Variants in FRY observed in about 807,000 individuals in gnomAD.
FRY encodes the protein protein furry homolog.
A neutral mutation model predicts 348.4 loss-of-function variants in FRY; 128 were observed. That is an observed-to-expected ratio of 0.37 (90% CI 0.32 to 0.43). The LOEUF (loss-of-function observed/expected upper bound fraction) is 0.43, where lower values mean the gene tolerates loss of function less well. Ranked by LOEUF, FRY falls within the 20% of genes least tolerant of loss-of-function variation. The pLI is 1.00. For missense variants in FRY, 2,736 were observed against 3,695.2 expected (o/e 0.74, Z 6.73); for synonymous variants, 1,370 against 1,374.7 (o/e 1.00, Z 0.08).
At chr13:32,101,662 A>T (rs766962962) in intron 2 of FRY, among the ~76,000 whole-genome samples, 2 of 152,180 alleles carry the variant, frequency 1.3e-5, no homozygotes, top group Non-Finnish European at 2.9e-5. Flanking sequence ...AAAAGTCCTT[A>T]TGACAGGTAT....
At chr13:32,272,549 G>A (rs191993200) in intron 55 of FRY, among the ~76,000 whole-genome samples, 6 of 152,124 alleles carry the variant, frequency 3.9e-5, no homozygotes, top group Admixed American at 1.3e-4. Flanking sequence ...TACCAGCTAC[G>A]TGAGAGGCTG....
intron 15 of FRY, among the ~76,000 whole-genome samples, chr13:32,156,083 C>A (rs987171453): frequency 6.6e-6 from 1 of 152,156 alleles, no homozygotes; most frequent in African/African-American, 2.4e-5. Context: ...CAACACACAT[C>A]AGGTTATATT....
chr13:32,124,484 G>A (rs534596876), intron 5 of FRY, 108 bp downstream of exon 5: 1 of 863,620 alleles, frequency 1.2e-6, no homozygotes, highest in Non-Finnish European at 1.9e-6. Context: ...CCAAATACTG[G>A]GTTATATGAC....
chr13:32,076,646 G>A (rs972615216), intron 1 of FRY, among the ~76,000 whole-genome samples: 1 of 152,132 alleles, frequency 6.6e-6, no homozygotes, highest in Non-Finnish European at 1.5e-5. Context: ...ATCTCCTTAT[G>A]TAGTTCCTAT....
At position 32,255,081 on chromosome 13, in the gene FRY, T is replaced by G. The variant is rs2138521080; in HGVS notation, c.7416+687T>G. Among the ~76,000 whole-genome samples the G allele has an allele frequency of 2.0e-5, 3 of 152,334 alleles. No homozygotes were observed. In the East Asian group the frequency reaches 5.8e-4, roughly 29 times the overall value. On this transcript the variant is annotated intron_variant, in intron 51 of 60. Coordinates refer to ENST00000542859, the MANE Select transcript of FRY (RefSeq NM_023037.3). The stretch of plus-strand genomic sequence containing the variant: ...AGGTATTGAGAGGAGGAGCATCACC[T>G]GTCAGTCACCTTCATTTCAGTAGCT...
intron 38 of FRY, 39 bp from the exon 39 acceptor site, chr13:32,225,750 A>G: frequency 1.4e-6 from 2 of 1,443,726 alleles, no homozygotes; most frequent in Non-Finnish European, 9.8e-7. Flanking sequence ...AAACGAGCTT[A>G]ACGTTTGTTT....
At chr13:32,211,190 C>G (rs755086920) in intron 34 of FRY, among the ~76,000 whole-genome samples, 156 bp downstream of exon 34, 19 of 152,252 alleles carry the variant, frequency 1.2e-4, no homozygotes, top group Non-Finnish European at 2.4e-4. Context: ...GAGACATGGG[C>G]TGGGCGTGGT....
At chr13:32,207,281 A>G (rs1304985362) in intron 31 of FRY, among the ~76,000 whole-genome samples, 2 of 152,164 alleles carry the variant, frequency 1.3e-5, no homozygotes, top group Non-Finnish European at 1.5e-5. Flanking sequence ...AGATCCTTCT[A>G]GTGGAGTTTA....
intron 40 of FRY, 59 bp downstream of exon 40, chr13:32,228,713 A>G (rs1885747123): frequency 4.3e-6 from 6 of 1,380,522 alleles, no homozygotes; most frequent in African/African-American, 1.4e-5. Flanking sequence ...AAAATTGCCA[A>G]CGCTTTAAAC....
intron 50 of FRY, among the ~76,000 whole-genome samples, chr13:32,252,491 A>T (rs1249397290): frequency 6.6e-6 from 1 of 152,226 alleles, no homozygotes; most frequent in Admixed American, 6.5e-5. Flanking sequence ...GAATAATTAT[A>T]AGTAAACTTT....
chr13:32,198,759 C>G (rs1218390400), intron 29 of FRY, among the ~76,000 whole-genome samples: 1 of 152,136 alleles, frequency 6.6e-6, no homozygotes, highest in Non-Finnish European at 1.5e-5. Flanking sequence ...GGCGGTAGTT[C>G]CCCAGTTTTT....
At chr13:32,184,916 G>A (rs1882938775) in intron 25 of FRY, 60 bp from the exon 26 acceptor site, 2 of 1,391,898 alleles carry the variant, frequency 1.4e-6, no homozygotes, top group African/African-American at 1.4e-5. Context: ...TTTTCATGAA[G>A]CCTGTATTAC....
Position 32,117,489 on chromosome 13 carries a change from GT to G in FRY, c.464+17del. The G allele has an allele frequency of 1.2e-6, 2 of 1,610,870 alleles. No individual in the cohort carries two copies. The highest frequency in any genetic ancestry group is 2.2e-5 in the South Asian group (2 of 90,958). On this transcript the variant is annotated intron_variant, in intron 4 of 60. Coordinates refer to ENST00000542859, the MANE Select transcript of FRY (RefSeq NM_023037.3). ...AATCAAAAAGGTACATTTCTTTTGT[GT>G]AAGGATCATGGTTTTATTTTGTTTT...
chr13:32,146,875 G>A (rs140428689), intron 11 of FRY, among the ~76,000 whole-genome samples: 1 of 152,260 alleles, frequency 6.6e-6, no homozygotes, highest in Admixed American at 6.5e-5. Context: ...AGATGGGATG[G>A]GGATGGGGCA....
intron 37 of FRY, 121 bp downstream of exon 37, chr13:32,224,506 C>A: frequency 1.1e-6 from 1 of 891,384 alleles, no homozygotes; most frequent in Non-Finnish European, 1.7e-6. Context: ...CAGTGGGATC[C>A]TGCCTGATTT....
intron 21 of FRY, 56 bp downstream of exon 21, chr13:32,178,492 A>G: frequency 6.3e-7 from 1 of 1,584,000 alleles, no homozygotes; most frequent in Non-Finnish European, 8.6e-7. Flanking sequence ...GCCCTCTTAA[A>G]TTTTCATTTT....
chr13:32,168,519 A>G (rs971611009), intron 17 of FRY, among the ~76,000 whole-genome samples: 18 of 152,258 alleles, frequency 1.2e-4, no homozygotes, highest in African/African-American at 3.4e-4. Flanking sequence ...TTTGTTGGAA[A>G]AAAAGATAGA....
In FRY at chr13:32,135,117, T is replaced by C; in HGVS notation, c.1011T>C (p.Leu337=). 6.2e-7 allele frequency: 1 copy of C among 1,612,718 alleles called. No homozygotes were observed. Residue 337 remains leucine, a synonymous_variant, in exon 10 of 61, where the codon CTT becomes CTC. Coordinates refer to ENST00000542859, the MANE Select transcript of FRY (RefSeq NM_023037.3). ...AVKNEVNVPC[L]RNFVESLYDT... ...AAAATGAAGTAAATGTTCCCTGCCT[T>C]AGAAATTTTGTGGAAAGCCTGTATG...
chr13:32,088,010 C>T (rs1290644273), intron 2 of FRY, among the ~76,000 whole-genome samples: 1 of 152,162 alleles, frequency 6.6e-6, no homozygotes, highest in Non-Finnish European at 1.5e-5. Context: ...GGTTGTTTTT[C>T]TGCACTGCTC....
Sources: gnomAD v4.1 joint callset for allele counts (sites outside exome capture counted in the v4.1 genomes callset) on GRCh38, gnomAD v4.1.1 for gene constraint, MANE v1.5 for transcripts, NCBI Gene and HGNC (gene_info 2026-07-23, HGNC 2026-07-21) for gene names.